The following ABCE1 variants were observed in gnomAD, a reference collection of about 807,000 sequenced individuals.
The protein encoded by ABCE1 is ATP binding cassette subfamily E member 1.
ABCE1 carries 22 observed loss-of-function variants against 83.4 expected under a neutral mutation model. The observed-to-expected ratio is 0.26, with a 90% CI of 0.19 to 0.38. The LOEUF is 0.38. Among genes scored for constraint, ABCE1 ranks in the 10% least tolerant of loss-of-function variants. ABCE1 has a pLI of 1.00. For synonymous variants in ABCE1, 204 were observed against 233.7 expected (o/e 0.87, Z 1.16); for missense variants, 330 against 721.9 (o/e 0.46, Z 6.22).
chr4:145,098,973 A>G (rs1045765084), intron 1 of ABCE1, among the ~76,000 whole-genome samples: 1 of 152,234 alleles, frequency 6.6e-6, no homozygotes, highest in East Asian at 1.9e-4. Flanking sequence ...TGCTTTTCTC[A>G]GAACAGCGTG....
At chr4:145,123,407 A>G (rs1749795341) in intron 15 of ABCE1, 50 bp downstream of exon 15, 5 of 1,592,108 alleles carry the variant, frequency 3.1e-6, no homozygotes, top group Non-Finnish European at 4.3e-6. Flanking sequence ...CTGTCCTACA[A>G]GTGTGCTTAA....
Position 145,125,142 on chromosome 4 carries a change from C to T in ABCE1, c.1752+41C>T, listed in dbSNP as rs374669327. On this transcript the variant is annotated intron_variant, in intron 17 of 17. Transcript: ENST00000296577. ...GTCTTAAATCATGGATTACTGATCTCAGTATAAACACTTGAAAGGCTATTT... is the reference window on the plus strand; with the variant it reads ...GTCTTAAATCATGGATTACTGATCTTAGTATAAACACTTGAAAGGCTATTT... The T allele has an allele frequency of 6.0e-6, 8 of 1,336,752 alleles. No homozygotes were observed. In the African/African-American group the frequency reaches 1.2e-4, roughly 19 times the overall value. 82.8% of individuals were successfully genotyped at this position (1,336,752 alleles called of 1,614,324 possible).
intron 1 of ABCE1, among the ~76,000 whole-genome samples, chr4:145,099,763 A>G (rs1236530447): frequency 6.6e-6 from 1 of 152,230 alleles, no homozygotes; most frequent in Non-Finnish European, 1.5e-5. Context: ...AGTTAACAGC[A>G]GTCTTTGAAA....
chr4:145,109,348 A>T (rs1249980675), intron 5 of ABCE1, 99 bp downstream of exon 5: 23 of 636,648 alleles, frequency 3.6e-5, no homozygotes, highest in Non-Finnish European at 5.3e-5. Context: ...TATTTTCAAA[A>T]TTATTTATGG....
At chr4:145,116,168 G>A (rs34330278) in intron 9 of ABCE1, among the ~76,000 whole-genome samples, 6,324 of 151,858 alleles carry the variant, frequency 0.042, 183 homozygotes, top group Non-Finnish European at 0.061. Context: ...GTTTATTTAA[G>A]AAAAAAGATG....
chr4:145,100,353 TA>T (rs1433679993), intron 1 of ABCE1, among the ~76,000 whole-genome samples: 2 of 152,222 alleles, frequency 1.3e-5, no homozygotes, highest in East Asian at 3.8e-4. Context: ...TGTGTCTTTT[TA>T]AAAAATTGTC....
At chr4:145,117,215 G>A (rs1749629828) in intron 9 of ABCE1, 78 bp from the exon 10 acceptor site, 2 of 1,251,142 alleles carry the variant, frequency 1.6e-6, no homozygotes, top group South Asian at 1.7e-5. Flanking sequence ...TTTATTAGAT[G>A]TATCTCTTTT....
chr4:145,124,513 GAACT>G (rs1749824943), intron 16 of ABCE1, among the ~76,000 whole-genome samples: 1 of 152,012 alleles, frequency 6.6e-6, no homozygotes, highest in Non-Finnish European at 1.5e-5. Flanking sequence ...CATGATTTAA[GAACT>G]CACTTGGGTA....
Position 145,111,055 on chromosome 4 carries a change from A to G in ABCE1, c.701A>G (p.Lys234Arg). ...RFACAVVCIQ[K>R]ADIFMFDEPS... ...GCTTGTGCTGTCGTTTGCATACAGA[A>G]AGCTGATATGTAGGTTACTTTACAA... The change falls in exon 8 of 18, where the codon AAA becomes AGA. Residue 234 changes from lysine (K) to arginine (R), a missense_variant. Lys to Arg is a conservative substitution (Grantham distance 26). Transcript: ENST00000296577. The G allele has an allele frequency of 6.2e-7, 1 of 1,609,408 alleles. No homozygotes were observed. The highest frequency in any genetic ancestry group is 1.1e-5 in the South Asian group (1 of 90,242).
chr4:145,104,540 A>C (rs1196518705), intron 2 of ABCE1, 25 bp downstream of exon 2: 1 of 1,441,378 alleles, frequency 6.9e-7, no homozygotes, highest in Admixed American at 2.1e-5. Context: ...GGATCATTTA[A>C]GTATAAAAGA....
At chr4:145,100,837 G>A (rs1311513833) in intron 1 of ABCE1, among the ~76,000 whole-genome samples, 1 of 151,984 alleles carries the variant, frequency 6.6e-6, no homozygotes, top group East Asian at 1.9e-4. Flanking sequence ...ATAACCTACA[G>A]GAAAATTATT....
Position 145,104,876 on chromosome 4 carries a change from CTT to C in ABCE1, c.103+363_103+364del, listed in dbSNP as rs1381166427. On this transcript the variant is annotated intron_variant, in intron 2 of 17. Transcript: ENST00000296577. ...TCAATGGGGGAAGGGTTACAGTAAA[CTT>C]TGACAGTATTTTCATATTTAAAAAA... Among the ~76,000 whole-genome samples the C allele has an allele frequency of 4.0e-5, 6 of 151,620 alleles. 1 individual carries two copies. The highest frequency in any genetic ancestry group is 7.2e-5 in the African/African-American group (3 of 41,444).
At chr4:145,115,748 A>G in intron 9 of ABCE1, among the ~76,000 whole-genome samples, 1 of 151,960 alleles carries the variant, frequency 6.6e-6, no homozygotes, top group South Asian at 2.1e-4. Context: ...AATTGTAGAA[A>G]GTTCTGGACA....
At chr4:145,098,742 C>A (rs1010563765) in intron 1 of ABCE1, among the ~76,000 whole-genome samples, 7 of 146,396 alleles carry the variant, frequency 4.8e-5, no homozygotes, top group Non-Finnish European at 1.5e-5. Context: ...GCTAAACCTG[C>A]TGGAGAGGAA....
At chr4:145,098,599 T>C (rs1748959814) in intron 1 of ABCE1, 180 bp downstream of exon 1, 1 of 151,258 alleles carries the variant, frequency 6.6e-6, no homozygotes. Flanking sequence ...GCCGAGAGCT[T>C]GGGGGCGCCT....
rs1267680084 is a variant in ABCE1 at position 145,123,527 on chromosome 4, A to C, written c.1567A>C (p.Ile523Leu). The change falls in exon 16 of 18, where the codon ATC (isoleucine) becomes CTC (leucine). Residue 523 changes from isoleucine (I) to leucine (L), a missense_variant. Physicochemically the swap from Ile to Leu is conservative, Grantham distance 5. Transcript: ENST00000296577. Reference protein sequence around the residue: ...KTAFVVEHDFIMATYLADRVI... With the variant: ...KTAFVVEHDFLMATYLADRVI... ...AGCCTTTGTTGTGGAACATGACTTC[A>C]TCATGGCCACCTATCTAGCGGATCG... 8.1e-6 allele frequency: 13 copies of C among 1,605,560 alleles called. No individual in the cohort carries two copies. The highest frequency in any genetic ancestry group is 1.1e-5 in the Non-Finnish European group (13 of 1,172,688).
rs1353071828 is a variant in ABCE1, at chr4:145,128,317, A to T, written c.*744A>T. The T allele has an allele frequency of 6.6e-6, 1 of 152,636 alleles. No homozygotes were observed. The highest frequency in any genetic ancestry group is 2.4e-5 in the African/African-American group (1 of 41,544). 9.5% of individuals were successfully genotyped at this position (152,636 alleles called of 1,614,324 possible). A position where few individuals can be genotyped will look rare whatever the true frequency, so the allele number is the denominator to read the frequency against. Reference sequence around the variant, plus strand: ...GGTAATGTCATTTTTGTACACATATATTTATATAATCACTGATTGAGATTT... The same window carrying T: ...GGTAATGTCATTTTTGTACACATATTTTTATATAATCACTGATTGAGATTT... On this transcript the variant is annotated 3_prime_UTR_variant, in exon 18 of 18. Transcript: ENST00000296577.
intron 10 of ABCE1, 47 bp downstream of exon 10, chr4:145,117,461 T>A: frequency 6.4e-7 from 1 of 1,571,562 alleles, no homozygotes; most frequent in Non-Finnish European, 8.7e-7. Flanking sequence ...TCTTCTACTC[T>A]AATGCTTATA....
chr4:145,126,829 T>C (rs1749900853), intron 17 of ABCE1, among the ~76,000 whole-genome samples: 1 of 152,200 alleles, frequency 6.6e-6, no homozygotes, highest in African/African-American at 2.4e-5. Context: ...TATGTCTGGA[T>C]GCCTTTTTTC....
Sources: allele counts gnomAD v4.1 joint callset (sites outside exome capture counted in the v4.1 genomes callset), GRCh38; gene constraint gnomAD v4.1.1; transcripts MANE v1.5; gene names NCBI Gene and HGNC (gene_info 2026-07-23, HGNC 2026-07-21).